Variants in PRKN observed in about 807,000 individuals in gnomAD.
PRKN encodes the protein E3 ubiquitin-protein ligase parkin.
PRKN carries 56 observed loss-of-function variants against 59.5 expected under a neutral mutation model. That is an observed-to-expected ratio of 0.94 (90% confidence interval 0.76 to 1.18). The LOEUF is 1.18. Ranked by LOEUF, PRKN falls within the 50% of genes most tolerant of loss-of-function variation. The pLI is 0.00. For missense variants in PRKN, 657 were observed against 596.4 expected (o/e 1.10, Z -1.06); for synonymous variants, 250 against 222.1 (o/e 1.13, Z -1.12).
chr6:162,008,216 T>C (rs894253057), intron 5 of PRKN, among the ~76,000 whole-genome samples: 2 of 152,140 alleles, frequency 1.3e-5, no homozygotes, highest in African/African-American at 2.4e-5. Context: ...CACATATATG[T>C]GTATGAACAT....
Position 162,291,891 on chromosome 6 carries a change from T to C in PRKN, c.172-29126A>G, listed in dbSNP as rs181053463. Among the ~76,000 whole-genome samples, 370 of 152,146 alleles carry C rather than the reference T, an allele frequency of 2.4e-3. 2 individuals carry two copies. The highest frequency in any genetic ancestry group is 4.4e-3 in the Non-Finnish European group (300 of 67,996). ...AATATAGAGCAAACCTGATGAGTCATTTTCTAAGTGAGCAGCCACTTCCAG... is the reference window on the plus strand; with the variant it reads ...AATATAGAGCAAACCTGATGAGTCACTTTCTAAGTGAGCAGCCACTTCCAG... On this transcript the variant is annotated intron_variant, in intron 2 of 11. Coordinates refer to ENST00000366898, the MANE Select transcript of PRKN (RefSeq NM_004562.3).
At chr6:161,374,571 GTAA>G (rs1785583471) in intron 10 of PRKN, among the ~76,000 whole-genome samples, 1 of 17,984 alleles carries the variant, frequency 5.6e-5, no homozygotes, top group Non-Finnish European at 1.2e-4. Context: ...TGTGGTGTGT[GTAA>G]TGGGTGTGTG....
intron 7 of PRKN, among the ~76,000 whole-genome samples, chr6:161,719,643 A>G (rs973587146): frequency 2.0e-5 from 3 of 152,144 alleles, no homozygotes; most frequent in East Asian, 1.9e-4. Flanking sequence ...TCCCTCTTAT[A>G]TAAGTCTTTT....
At chr6:162,701,471 T>A (rs1200161270) in intron 1 of PRKN, among the ~76,000 whole-genome samples, 2 of 151,494 alleles carry the variant, frequency 1.3e-5, no homozygotes, top group Admixed American at 1.3e-4. Context: ...TTGAGATGCA[T>A]TGCAAAAAAA....
intron 7 of PRKN, among the ~76,000 whole-genome samples, chr6:161,663,893 G>T (rs1403905107): frequency 6.6e-6 from 1 of 152,162 alleles, no homozygotes; most frequent in African/African-American, 2.4e-5. Context: ...TGCTGCACAT[G>T]GGGGAGTGGC....
chr6:161,596,157 G>A (rs760540531), intron 7 of PRKN, among the ~76,000 whole-genome samples: 2 of 152,058 alleles, frequency 1.3e-5, no homozygotes, highest in Non-Finnish European at 2.9e-5. Flanking sequence ...TTTGTGTTTC[G>A]ACACATTCTT....
At chr6:162,701,850 CTCACATACATACAT>C (rs1420564311) in intron 1 of PRKN, among the ~76,000 whole-genome samples, 18 of 130,738 alleles carry the variant, frequency 1.4e-4, no homozygotes, top group South Asian at 1.3e-3. Context: ...CACACACACA[CTCACATACATACAT>C]ACACACACAC....
At chr6:162,062,749 T>C (rs1275161511) in intron 4 of PRKN, among the ~76,000 whole-genome samples, 2 of 152,184 alleles carry the variant, frequency 1.3e-5, no homozygotes, top group African/African-American at 4.8e-5. Context: ...GTCTGGGGTA[T>C]TTTGTCATGG....
chr6:162,307,391 C>T (rs1782280429), intron 2 of PRKN, among the ~76,000 whole-genome samples: 1 of 147,082 alleles, frequency 6.8e-6, no homozygotes, highest in African/African-American at 2.6e-5. Flanking sequence ...CAAAGAGACA[C>T]CGTCTCAATA....
At chr6:161,832,782 C>A (rs73601089) in intron 6 of PRKN, among the ~76,000 whole-genome samples, 2 of 152,076 alleles carry the variant, frequency 1.3e-5, no homozygotes, top group Non-Finnish European at 2.9e-5. Flanking sequence ...CCATTCTCTA[C>A]GGTCTGTCTG....
At chr6:161,833,042 T>C (rs1359332681) in intron 6 of PRKN, among the ~76,000 whole-genome samples, 1 of 152,092 alleles carries the variant, frequency 6.6e-6, no homozygotes, top group African/African-American at 2.4e-5. Flanking sequence ...GAGACACACA[T>C]ACTTGCCCAA....
intron 4 of PRKN, among the ~76,000 whole-genome samples, chr6:162,168,488 A>C (rs1489350743): frequency 3.3e-5 from 5 of 150,408 alleles, no homozygotes; most frequent in African/African-American, 4.9e-5. Context: ...ATGGTTTTAA[A>C]ATCCAAGGGG....
chr6:161,354,075 T>A lies in PRKN; in HGVS notation c.1286-3864A>T, dbSNP rs1784663763. On this transcript the variant is annotated intron_variant, in intron 11 of 11. Coordinates refer to ENST00000366898, the MANE Select transcript of PRKN (RefSeq NM_004562.3). This position sits in a 1 kb window ranked among gnomAD's most constrained non-coding sequence, Gnocchi z 6.7. ...TGGGATACTAGCATTGTAAATGATA[T>A]CTTGGTACAGAAGCTAGAATTACAA... 6.6e-6 allele frequency among the ~76,000 whole-genome samples: 1 copy of A among 152,322 alleles called. No individual in the cohort carries two copies. The highest frequency in any genetic ancestry group is 1.9e-4 in the East Asian group (1 of 5,192).
chr6:161,906,659 CAT>C (rs144796790), intron 6 of PRKN, among the ~76,000 whole-genome samples: 12,758 of 116,532 alleles, frequency 0.11, 1,372 homozygotes, highest in East Asian at 0.35. Flanking sequence ...ATAGAACATA[CAT>C]ATATATATAT....
Position 161,457,784 on chromosome 6 carries a change from T to G in PRKN, c.1084-70907A>C, listed in dbSNP as rs995363170. Among the ~76,000 whole-genome samples, 2 of 152,238 alleles carry G rather than the reference T, an allele frequency of 1.3e-5. No homozygotes were observed. The highest frequency in any genetic ancestry group is 4.8e-5 in the African/African-American group (2 of 41,470). ...ACTTCCTGTGTGTGTGTTACCACAC[T>G]CTTAATATGAAAACATGTGTGATAA... On this transcript the variant is annotated intron_variant, in intron 9 of 11. Coordinates refer to ENST00000366898, the MANE Select transcript of PRKN (RefSeq NM_004562.3). The surrounding 1 kb of genome is among the most constrained non-coding windows in gnomAD (Gnocchi z 5.0).
chr6:162,251,854 A>G (rs1472067874), intron 3 of PRKN, among the ~76,000 whole-genome samples: 1 of 152,196 alleles, frequency 6.6e-6, no homozygotes, highest in East Asian at 1.9e-4. Context: ...TTCATTTTAT[A>G]GAACTGCCAA....
Position 161,533,448 on chromosome 6 carries a change from A to G in PRKN, c.1083+15406T>C, listed in dbSNP as rs1290643401. On this transcript the variant is annotated intron_variant, in intron 9 of 11. Coordinates refer to ENST00000366898, the MANE Select transcript of PRKN (RefSeq NM_004562.3). This position sits in a 1 kb window ranked among gnomAD's most constrained non-coding sequence, Gnocchi z 4.1. ...CTGGCAGTTGTGCCCGTAGGAATAT[A>G]CTACCTGGGACTAGCCATGTTCAAA... 2.0e-5 allele frequency among the ~76,000 whole-genome samples: 3 copies of G among 152,260 alleles called. No individual in the cohort carries two copies. The highest frequency in any genetic ancestry group is 2.9e-5 in the Non-Finnish European group (2 of 68,030).
intron 1 of PRKN, among the ~76,000 whole-genome samples, chr6:162,535,925 A>T (rs1460805124): frequency 1.3e-5 from 2 of 151,750 alleles, no homozygotes; most frequent in African/African-American, 4.8e-5. Flanking sequence ...AAAAAAAAGA[A>T]TTTGGTCTGA....
intron 11 of PRKN, among the ~76,000 whole-genome samples, chr6:161,351,602 G>A (rs896776850): frequency 1.3e-5 from 2 of 152,166 alleles, no homozygotes; most frequent in Non-Finnish European, 2.9e-5. Context: ...TGGGATTACA[G>A]GCGTGAGCTA....
Sources: gnomAD v4.1 joint callset for allele counts (sites outside exome capture counted in the v4.1 genomes callset) on GRCh38, gnomAD v4.1.1 for gene constraint, Gnocchi (gnomAD v3.1) non-coding constraint, MANE v1.5 for transcripts, NCBI Gene and HGNC (gene_info 2026-07-23, HGNC 2026-07-21) for gene names.